Variants in NRG1 observed in about 807,000 individuals in gnomAD.
NRG1 encodes pro-neuregulin-1, membrane-bound isoform.
A neutral mutation model predicts 63.8 loss-of-function variants in NRG1; 18 were observed. The ratio of observed to expected loss-of-function variants is 0.28; its 90% confidence interval spans 0.19 to 0.42. The LOEUF is 0.42. NRG1 is among the 10% of genes least tolerant of loss of function. The probability of loss-of-function intolerance (pLI) is 1.00; values close to 1 mark genes in which losing one functional copy is unlikely to be tolerated. For synonymous variants in NRG1, 302 were observed against 301.3 expected (o/e 1.00, Z -0.02); for missense variants, 762 against 814.7 (o/e 0.94, Z 0.79).
intron 1 of NRG1, among the ~76,000 whole-genome samples, chr8:32,406,749 G>A (rs143090731): frequency 5.5e-4 from 84 of 151,694 alleles, no homozygotes; most frequent in Non-Finnish European, 1.0e-3. Flanking sequence ...TTCATCTTCG[G>A]TTTTCTTTAG....
At chr8:32,497,171 G>A (rs1827295682) in intron 1 of NRG1, among the ~76,000 whole-genome samples, 1 of 152,076 alleles carries the variant, frequency 6.6e-6, no homozygotes, top group Non-Finnish European at 1.5e-5. Context: ...TTTCGCCCAG[G>A]CACGGTGGCT....
intron 1 of NRG1, among the ~76,000 whole-genome samples, chr8:32,015,224 C>G (rs562690314): frequency 6.6e-6 from 1 of 152,046 alleles, no homozygotes. Context: ...CTTGCACAAG[C>G]CCCCAAACAA....
intron 1 of NRG1, among the ~76,000 whole-genome samples, chr8:32,383,607 T>A (rs1810624293): frequency 1.3e-5 from 2 of 152,212 alleles, no homozygotes; most frequent in South Asian, 4.1e-4. Flanking sequence ...ATTGGACATA[T>A]CTCTGGAGCC....
exon 1 of NRG1, chr8:32,548,620 C>T (rs1205418276): frequency 3.6e-6 from 5 of 1,399,636 alleles, no homozygotes; most frequent in South Asian, 3.2e-5. Context: ...CGCGGCCGCT[C>T]GCTCTCCCCC....
chr8:32,233,284 C>T (rs1847152708), intron 1 of NRG1, among the ~76,000 whole-genome samples: 1 of 151,514 alleles, frequency 6.6e-6, no homozygotes, highest in African/African-American at 2.4e-5. Flanking sequence ...TAAAAATTTC[C>T]TATTTCTTGT....
intron 5 of NRG1, among the ~76,000 whole-genome samples, chr8:32,674,547 A>C (rs1278655175): frequency 6.6e-6 from 1 of 152,208 alleles, no homozygotes; most frequent in East Asian, 1.9e-4. Flanking sequence ...TTCAGACCAC[A>C]GGAAAGTGCT....
intron 1 of NRG1, among the ~76,000 whole-genome samples, chr8:32,092,605 G>C (rs1443814685): frequency 6.6e-6 from 1 of 152,102 alleles, no homozygotes; most frequent in African/African-American, 2.4e-5. Context: ...GAAGATGGTG[G>C]ACTCTATAAA....
chr8:32,655,784 G>C (rs549183908), intron 5 of NRG1, among the ~76,000 whole-genome samples: 2 of 152,148 alleles, frequency 1.3e-5, no homozygotes, highest in Non-Finnish European at 2.9e-5. Flanking sequence ...TAGGGAAAGC[G>C]ATAAGGAGTT....
At chr8:31,820,456 C>T (rs1823896590) in intron 1 of NRG1, among the ~76,000 whole-genome samples, 1 of 152,202 alleles carries the variant, frequency 6.6e-6, no homozygotes, top group African/African-American at 2.4e-5. Context: ...CTCTCAGGAA[C>T]AGTTCATTGT....
chr8:32,447,739 G>A (rs1488898471), intron 1 of NRG1, among the ~76,000 whole-genome samples: 1 of 151,878 alleles, frequency 6.6e-6, no homozygotes, highest in African/African-American at 2.4e-5. Flanking sequence ...CGAGCATGGC[G>A]GTGGCTCCCT....
intron 1 of NRG1, among the ~76,000 whole-genome samples, chr8:31,684,258 G>C (rs1026027221): frequency 1.3e-5 from 2 of 152,168 alleles, no homozygotes; most frequent in Non-Finnish European, 2.9e-5. Context: ...ACAGTATTAA[G>C]AGGTGGGGCA....
intron 1 of NRG1, among the ~76,000 whole-genome samples, chr8:31,758,071 T>G (rs1318087579): frequency 6.6e-6 from 1 of 151,986 alleles, no homozygotes; most frequent in African/African-American, 2.4e-5. Context: ...TTTATTTATT[T>G]ATTACACCTT....
exon 10 of NRG1, chr8:32,759,366 T>A (rs117293579): frequency 6.8e-6 from 11 of 1,613,976 alleles, no homozygotes; most frequent in Non-Finnish European, 9.3e-6. Context: ...AGCAGAGACA[T>A]CCTTTTCCAC....
At chr8:31,767,506 A>G (rs995594396) in intron 1 of NRG1, among the ~76,000 whole-genome samples, 2 of 152,064 alleles carry the variant, frequency 1.3e-5, no homozygotes, top group Admixed American at 1.3e-4. Context: ...GTGTTTGTGT[A>G]TTTTCACCAC....
intron 1 of NRG1, among the ~76,000 whole-genome samples, chr8:32,237,014 A>G (rs1847632712): frequency 6.6e-6 from 1 of 152,186 alleles, no homozygotes; most frequent in African/African-American, 2.4e-5. Flanking sequence ...AATAACAAAA[A>G]CAAAAAAACA....
chr8:32,496,306 T>C (rs1218085891), intron 1 of NRG1, among the ~76,000 whole-genome samples: 1 of 152,158 alleles, frequency 6.6e-6, no homozygotes. Flanking sequence ...GCTCAACAGA[T>C]TTTCATCTAA....
chr8:32,644,506 C>T (rs1853075464), intron 5 of NRG1, among the ~76,000 whole-genome samples: 1 of 152,174 alleles, frequency 6.6e-6, no homozygotes, highest in African/African-American at 2.4e-5. Flanking sequence ...TTATTCTTCA[C>T]CTCCCATCCT....
chr8:31,779,801 C>A (rs1819503275), intron 1 of NRG1, among the ~76,000 whole-genome samples: 2 of 152,144 alleles, frequency 1.3e-5, no homozygotes. Context: ...TCTCAGTTTT[C>A]TATTATATAA....
intron 1 of NRG1, among the ~76,000 whole-genome samples, chr8:32,073,482 G>A (rs564730883): frequency 1.3e-5 from 2 of 152,180 alleles, no homozygotes; most frequent in African/African-American, 2.4e-5. Context: ...CTTCTTGGTG[G>A]CATAATTCCT....
Sources: allele counts gnomAD v4.1 joint callset (sites outside exome capture counted in the v4.1 genomes callset), GRCh38; gene constraint gnomAD v4.1.1; transcripts MANE v1.5; gene names NCBI Gene and HGNC (gene_info 2026-07-23, HGNC 2026-07-21).